DOCK3: variants seen among roughly 807,000 people sequenced by gnomAD.
DOCK3 encodes dedicator of cytokinesis protein 3.
Under a neutral mutation model 265.6 loss-of-function variants are expected in DOCK3, and 60 were observed. That is an observed-to-expected ratio of 0.23 (90% CI 0.18 to 0.28). DOCK3 has a LOEUF of 0.28. Ranked by LOEUF, DOCK3 falls within the 10% of genes least tolerant of loss-of-function variation. DOCK3 has a pLI of 1.00. For missense variants in DOCK3, 1,981 were observed against 2,594.3 expected (o/e 0.76, Z 5.14); for synonymous variants, 881 against 938.0 (o/e 0.94, Z 1.11).
intron 5 of DOCK3, among the ~76,000 whole-genome samples, chr3:50,971,164 T>G (rs901154997): frequency 5.3e-5 from 8 of 151,002 alleles, no homozygotes; most frequent in Non-Finnish European, 1.0e-4. Context: ...TTTGAAATCT[T>G]TATCTGGTAT....
At chr3:51,327,836 C>T (rs566879163) in intron 32 of DOCK3, among the ~76,000 whole-genome samples, 6 of 152,034 alleles carry the variant, frequency 3.9e-5, no homozygotes, top group Admixed American at 6.6e-5. Context: ...GGTGCTACCA[C>T]GCCTGGCTAC....
intron 40 of DOCK3, among the ~76,000 whole-genome samples, chr3:51,353,378 G>A (rs575896597): frequency 6.4e-4 from 97 of 152,302 alleles, no homozygotes; most frequent in Admixed American, 6.2e-3. Context: ...TGGGAAGGCT[G>A]AGGCGGGTGG....
At chr3:51,140,924 C>T (rs946446637) in intron 9 of DOCK3, among the ~76,000 whole-genome samples, 6 of 151,912 alleles carry the variant, frequency 3.9e-5, no homozygotes, top group Admixed American at 1.3e-4. Flanking sequence ...TTCAAGTTAC[C>T]CACTTTTGAA....
At position 50,886,208 on chromosome 3, in the gene DOCK3, A is replaced by ATATATATATATATATATATATATATATG. The variant is rs1399056611; in HGVS notation, c.163-3817_163-3816insATATATATATATATATATATATATATGT. Among the ~76,000 whole-genome samples, 44 of 136,886 alleles carry ATATATATATATATATATATATATATATG rather than the reference A, an allele frequency of 3.2e-4. 3 individuals carry two copies. Among genetic ancestry groups the ATATATATATATATATATATATATATATG allele is most frequent in the South Asian group, 4.6e-4 (2 of 4,354 alleles). The allele number at this position is 136,886 out of a possible 152,430, so 89.8% of individuals were successfully genotyped here. A position where few individuals can be genotyped will look rare whatever the true frequency, so the allele number is the denominator to read the frequency against. ...TGGAGATATATATATATATATATAT[A>ATATATATATATATATATATATATATATG]TTCCAGAGTTTTTAGGTATGCACTA... On this transcript the variant is annotated intron_variant, in intron 3 of 52. Coordinates refer to ENST00000266037, the MANE Select transcript of DOCK3 (RefSeq NM_004947.5).
chr3:50,949,418 G>A (rs551204282), intron 5 of DOCK3, among the ~76,000 whole-genome samples: 1 of 152,086 alleles, frequency 6.6e-6, no homozygotes, highest in South Asian at 2.1e-4. Context: ...AGTCATCAGG[G>A]AAATGCAAAT....
intron 22 of DOCK3, among the ~76,000 whole-genome samples, chr3:51,248,452 C>T (rs1440369806): frequency 1.3e-5 from 2 of 152,234 alleles, no homozygotes; most frequent in Admixed American, 1.3e-4. Context: ...GCCTCGGCCT[C>T]CTGAGGTGCT....
chr3:50,960,240 A>G (rs1380312055), intron 5 of DOCK3, among the ~76,000 whole-genome samples: 3 of 152,204 alleles, frequency 2.0e-5, no homozygotes, highest in Non-Finnish European at 2.9e-5. Flanking sequence ...TGGGTCATAT[A>G]GTAAATCTAT....
At chr3:50,770,882 A>G (rs770323652) in intron 1 of DOCK3, among the ~76,000 whole-genome samples, 2 of 152,196 alleles carry the variant, frequency 1.3e-5, no homozygotes, top group African/African-American at 2.4e-5. Flanking sequence ...TCTTCAATAA[A>G]TGGTGCTGGG....
intron 5 of DOCK3, among the ~76,000 whole-genome samples, chr3:51,038,379 A>G (rs938425479): frequency 1.3e-5 from 2 of 152,354 alleles, no homozygotes; most frequent in Non-Finnish European, 2.9e-5. Context: ...ACTGTTCATA[A>G]TAATCATATC....
intron 2 of DOCK3, among the ~76,000 whole-genome samples, chr3:50,819,010 A>G (rs2044251770): frequency 9.5e-6 from 1 of 105,040 alleles, no homozygotes; most frequent in Non-Finnish European, 2.2e-5. Flanking sequence ...TTAAATATTG[A>G]GATATTATTT....
chr3:50,978,433 G>A (rs1234978381), intron 5 of DOCK3, among the ~76,000 whole-genome samples: 6 of 152,172 alleles, frequency 3.9e-5, no homozygotes, highest in Non-Finnish European at 5.9e-5. Context: ...CCTGCTGGGG[G>A]GGTGCCTCCC....
intron 49 of DOCK3, among the ~76,000 whole-genome samples, chr3:51,371,326 C>A (rs1352908233): frequency 6.6e-6 from 1 of 152,162 alleles, no homozygotes; most frequent in Admixed American, 6.5e-5. Flanking sequence ...AATGGTTAAA[C>A]AGAACTGGGC....
chr3:51,312,862 A>G lies in DOCK3; in HGVS notation c.3213A>G (p.Val1071=). The G allele has an allele frequency of 6.2e-7, 1 of 1,611,016 alleles. No individual in the cohort carries two copies. The highest frequency in any genetic ancestry group is 8.5e-7 in the Non-Finnish European group (1 of 1,178,662). The change falls in exon 31 of 53, where the codon GTA becomes GTG. Residue 1071 remains valine (V), a synonymous_variant. Coordinates refer to ENST00000266037, the MANE Select transcript of DOCK3 (RefSeq NM_004947.5). ...KILDKYGDMR[V]MMAYELFSMW... is the part of the protein sequence containing the mutation. Reference sequence around the variant, plus strand: ...TTCTTAGGTATGGGGACATGCGTGTAATGATGGCCTATGAACTGTTCAGCA... The same window carrying G: ...TTCTTAGGTATGGGGACATGCGTGTGATGATGGCCTATGAACTGTTCAGCA...
intron 5 of DOCK3, among the ~76,000 whole-genome samples, chr3:50,960,917 A>G (rs1003371392): frequency 2.6e-5 from 4 of 152,156 alleles, no homozygotes; most frequent in African/African-American, 9.7e-5. Context: ...TTCCACCATC[A>G]TTTGTTGAAA....
chr3:51,246,860 G>A, intron 22 of DOCK3, 53 bp downstream of exon 22: 3 of 1,548,252 alleles, frequency 1.9e-6, no homozygotes, highest in South Asian at 1.2e-5. Flanking sequence ...AATTATTTGT[G>A]AGTAATCTCA....
chr3:51,038,465 C>G (rs948374387), intron 5 of DOCK3, among the ~76,000 whole-genome samples: 1 of 152,110 alleles, frequency 6.6e-6, no homozygotes, highest in Non-Finnish European at 1.5e-5. Flanking sequence ...TTTCAATACA[C>G]TGTGGAGATG....
At chr3:50,851,048 G>A (rs533694559) in intron 3 of DOCK3, among the ~76,000 whole-genome samples, 10 of 152,326 alleles carry the variant, frequency 6.6e-5, no homozygotes, top group Admixed American at 4.6e-4. Context: ...GCTGGCACAA[G>A]CACCAGCACT....
In DOCK3 at chr3:50,826,370, C is replaced by T. The variant is rs112424758; in HGVS notation, c.122-15305C>T. Among the ~76,000 whole-genome samples, 7 of 152,206 alleles carry T rather than the reference C, an allele frequency of 4.6e-5. 2 individuals carry two copies. The highest frequency in any genetic ancestry group is 1.7e-4 in the African/African-American group (7 of 41,534). On this transcript the variant is annotated intron_variant, in intron 2 of 52. Coordinates refer to ENST00000266037, the MANE Select transcript of DOCK3 (RefSeq NM_004947.5). ...TATTTTCTGTCTCCTGACTTTACCC[C>T]ACTTGATACTCTTGAAGTCTGGGTC...
At chr3:50,814,008 C>T (rs781774041) in intron 2 of DOCK3, among the ~76,000 whole-genome samples, 2 of 151,854 alleles carry the variant, frequency 1.3e-5, no homozygotes. Context: ...TGTATGGGCA[C>T]GGTTTCTTTT....
Sources: allele counts gnomAD v4.1 joint callset (sites outside exome capture counted in the v4.1 genomes callset), GRCh38; gene constraint gnomAD v4.1.1; transcripts MANE v1.5; gene names NCBI Gene and HGNC (gene_info 2026-07-23, HGNC 2026-07-21).